The following RTTN variants were observed in gnomAD, a reference collection of about 807,000 sequenced individuals.
The protein encoded by RTTN is rotatin.
Under a neutral mutation model 269.2 loss-of-function variants are expected in RTTN, and 182 were observed. That is an observed-to-expected ratio of 0.68 (90% CI 0.60 to 0.76). The LOEUF is 0.76. Ranked by LOEUF, RTTN falls within the 30% of genes least tolerant of loss-of-function variation. The pLI is 0.00. For synonymous variants in RTTN, 1,006 were observed against 963.5 expected (o/e 1.04, Z -0.82); for missense variants, 2,545 against 2,608.6 (o/e 0.98, Z 0.53).
chr18:70,181,793 G>A (rs1326703441), intron 10 of RTTN, among the ~76,000 whole-genome samples: 1 of 152,120 alleles, frequency 6.6e-6, no homozygotes, highest in East Asian at 1.9e-4. Context: ...CCAAAGAAAA[G>A]AGACATTTAT....
Position 70,205,645 on chromosome 18 carries a change from C to T in RTTN, c.14G>A (p.Gly5Glu). 6.2e-7 allele frequency: 1 copy of T among 1,614,114 alleles called. No individual in the cohort carries two copies. Among genetic ancestry groups the T allele is most frequent in the South Asian group, 1.1e-5 (1 of 91,078 alleles). The change falls in exon 1 of 49, where the codon GGG becomes GAG. Residue 5 changes from glycine to glutamate, a missense_variant. Physicochemically the swap from Gly to Glu is moderately conservative, Grantham distance 98 (BLOSUM62 -2). Transcript: ENST00000640769. MVLAGLIRKLGHQLA... is the reference protein window; with the variant it reads MVLAELIRKLGHQLA... ...ACAGTTACCGAGTTTCCTGATGAGC[C>T]CTGCCAGGACCATCTCGTCCCGTCA...
chr18:70,026,157 G>A (rs990698688), intron 43 of RTTN, among the ~76,000 whole-genome samples: 1 of 152,088 alleles, frequency 6.6e-6, no homozygotes, highest in Non-Finnish European at 1.5e-5. Context: ...TTCTATTGAG[G>A]CCGCTTCTAC....
chr18:70,190,075 A>T (rs2061635477), intron 9 of RTTN, among the ~76,000 whole-genome samples: 1 of 152,198 alleles, frequency 6.6e-6, no homozygotes, highest in Admixed American at 6.5e-5. Flanking sequence ...GGAAGAGTAA[A>T]CAACTGACAG....
chr18:70,130,408 TA>T (rs1281311315), intron 23 of RTTN: 1 of 151,940 alleles, frequency 6.6e-6, no homozygotes, highest in Non-Finnish European at 1.5e-5. Context: ...ATGGATTTTT[TA>T]AAATGTGGTA....
chr18:70,119,207 A>T (rs191130775), intron 26 of RTTN, among the ~76,000 whole-genome samples: 11 of 152,212 alleles, frequency 7.2e-5, no homozygotes, highest in Non-Finnish European at 1.6e-4. Flanking sequence ...AAAAACTTTG[A>T]TCTTAAAAAT....
At chr18:70,161,590 C>T (rs551730186) in intron 14 of RTTN, among the ~76,000 whole-genome samples, 1 of 152,218 alleles carries the variant, frequency 6.6e-6, no homozygotes, top group East Asian at 1.9e-4. Flanking sequence ...AAAATATTTG[C>T]AAACTATGCA....
intron 32 of RTTN, among the ~76,000 whole-genome samples, chr18:70,076,379 A>G (rs1450144174): frequency 6.6e-6 from 1 of 152,014 alleles, no homozygotes. Flanking sequence ...GATACGTTCA[A>G]AACATATTGC....
intron 34 of RTTN, among the ~76,000 whole-genome samples, chr18:70,066,514 T>A (rs779477725): frequency 1.3e-5 from 2 of 152,158 alleles, no homozygotes; most frequent in African/African-American, 2.4e-5. Flanking sequence ...ACCGACCTTC[T>A]AAGACTGAAA....
chr18:70,119,444 G>A (rs2059681777), intron 26 of RTTN, among the ~76,000 whole-genome samples: 1 of 151,822 alleles, frequency 6.6e-6, no homozygotes, highest in Non-Finnish European at 1.5e-5. Flanking sequence ...GGGGAGGGAA[G>A]AGGAAAATGG....
intron 14 of RTTN, among the ~76,000 whole-genome samples, chr18:70,160,197 A>G (rs561706929): frequency 5.3e-5 from 8 of 152,124 alleles, no homozygotes; most frequent in South Asian, 2.1e-4. Flanking sequence ...AAATATTGGT[A>G]TACTGAAACC....
intron 26 of RTTN, among the ~76,000 whole-genome samples, chr18:70,115,056 G>T (rs1051914960): frequency 1.3e-5 from 2 of 151,906 alleles, no homozygotes; most frequent in Non-Finnish European, 2.9e-5. Context: ...CAACAATAAG[G>T]ATTTACCACA....
At chr18:70,074,706 A>T (rs2058383102) in intron 33 of RTTN, 2 of 151,726 alleles carry the variant, frequency 1.3e-5, no homozygotes, top group African/African-American at 2.4e-5. Context: ...AAATGAATTT[A>T]AAAATAAAAG....
chr18:70,195,014 GA>G (rs1270580687), intron 7 of RTTN, among the ~76,000 whole-genome samples: 4 of 152,204 alleles, frequency 2.6e-5, no homozygotes, highest in South Asian at 2.1e-4. Context: ...CAGTCAGAGA[GA>G]GGGGGAAAAA....
At chr18:70,046,001 CA>C (rs1360079663) in intron 40 of RTTN, among the ~76,000 whole-genome samples, 3 of 151,870 alleles carry the variant, frequency 2.0e-5, no homozygotes, top group Non-Finnish European at 4.4e-5. Flanking sequence ...AATAATATTA[CA>C]AAGTATTAGG....
intron 17 of RTTN, among the ~76,000 whole-genome samples, chr18:70,146,652 AC>A (rs755550734): frequency 1.3e-5 from 2 of 152,194 alleles, no homozygotes; most frequent in African/African-American, 2.4e-5. Context: ...CTGTATCATA[AC>A]TTTTATCTCA....
At chr18:70,101,805 T>G (rs1334254201) in intron 28 of RTTN, among the ~76,000 whole-genome samples, 5 of 152,202 alleles carry the variant, frequency 3.3e-5, no homozygotes, top group Non-Finnish European at 1.5e-5. Flanking sequence ...TCAAAGAGCA[T>G]CTTTATTTCT....
chr18:70,087,221 T>G (rs775082791), intron 31 of RTTN, among the ~76,000 whole-genome samples: 2 of 152,162 alleles, frequency 1.3e-5, no homozygotes, highest in African/African-American at 4.8e-5. Context: ...AATAGGAGCA[T>G]TGATTGTCTG....
chr18:70,036,019 T>C (rs1482755971), intron 40 of RTTN, among the ~76,000 whole-genome samples: 1 of 152,062 alleles, frequency 6.6e-6, no homozygotes, highest in East Asian at 1.9e-4. Flanking sequence ...CTCACACCAG[T>C]CAGAATGGCT....
chr18:70,146,522 G>A (rs2060397623), intron 17 of RTTN, among the ~76,000 whole-genome samples: 1 of 152,114 alleles, frequency 6.6e-6, no homozygotes, highest in South Asian at 2.1e-4. Context: ...AATAATACAA[G>A]TTGCCAGGTT....
Sources: gnomAD v4.1 joint callset for allele counts (sites outside exome capture counted in the v4.1 genomes callset) on GRCh38, gnomAD v4.1.1 for gene constraint, MANE v1.5 for transcripts, NCBI Gene and HGNC (gene_info 2026-07-23, HGNC 2026-07-21) for gene names.